The following UNC13A variants were observed in gnomAD, a reference collection of about 807,000 sequenced individuals.
UNC13A encodes unc-13 homolog A.
UNC13A carries 61 observed loss-of-function variants against 219.7 expected under a neutral mutation model. The ratio of observed to expected loss-of-function variants is 0.28; its 90% CI spans 0.23 to 0.34. The LOEUF is 0.34. UNC13A is among the 10% of genes least tolerant of loss of function. The pLI is 1.00. For synonymous variants in UNC13A, 920 were observed against 884.6 expected (o/e 1.04, Z -0.71); for missense variants, 1,476 against 2,270.3 (o/e 0.65, Z 7.11).
At chr19:17,612,049 C>CT (rs1235885938) in intron 41 of UNC13A, 194 bp from the exon 42 acceptor site, 6 of 526,996 alleles carry the variant, frequency 1.1e-5, no homozygotes, top group African/African-American at 5.7e-5. Flanking sequence ...CTTTTACTGC[C>CT]TTGCTGTGTG....
chr19:17,639,602 C>A, intron 23 of UNC13A, 77 bp from the exon 24 acceptor site: 2 of 1,480,340 alleles, frequency 1.4e-6, no homozygotes, highest in Non-Finnish European at 1.8e-6. Flanking sequence ...CAGGGGGATA[C>A]AAAGGCTCCC....
intron 26 of UNC13A, among the ~76,000 whole-genome samples, chr19:17,634,277 T>G (rs1330503194): frequency 6.6e-6 from 1 of 151,588 alleles, no homozygotes; most frequent in East Asian, 2.0e-4. Context: ...TCCATTTATT[T>G]ACTCACTTAT....
At chr19:17,606,914 C>T (rs1210055977) in intron 43 of UNC13A, among the ~76,000 whole-genome samples, 1 of 152,052 alleles carries the variant, frequency 6.6e-6, no homozygotes, top group Non-Finnish European at 1.5e-5. Flanking sequence ...ACCTGTGCTC[C>T]TGCCCCTAAG....
intron 43 of UNC13A, among the ~76,000 whole-genome samples, chr19:17,609,083 G>A (rs549140846): frequency 1.4e-5 from 2 of 146,766 alleles, no homozygotes; most frequent in Admixed American, 6.8e-5. Context: ...TCAGCATCCC[G>A]AGTAGCTGGG....
intron 15 of UNC13A, 106 bp from the exon 16 acceptor site, chr19:17,648,756 C>T (rs955504305): frequency 1.3e-6 from 2 of 1,511,698 alleles, no homozygotes; most frequent in Non-Finnish European, 1.8e-6. Flanking sequence ...CAGGCCCTCC[C>T]CTGCCTCCAC....
chr19:17,657,947 G>GGT lies in UNC13A; in HGVS notation c.767+113_767+114dup. ...AATGTGAATTCTGCCCTCCTGGATG[G>GGT]GTGAATTCTGCCCTTCTGGAACTCC... On this transcript the variant is annotated intron_variant, in intron 9 of 43. Transcript: ENST00000519716. 4.7e-6 allele frequency: 5 copies of GGT among 1,061,618 alleles called. No homozygotes were observed. The South Asian group carries it at 7.3e-5, about 16-fold the overall frequency. The allele number at this position is 1,061,618 out of a possible 1,614,324, so 65.8% of individuals were successfully genotyped here.
intron 8 of UNC13A, among the ~76,000 whole-genome samples, chr19:17,659,345 A>G (rs923584967): frequency 7.2e-5 from 11 of 152,194 alleles, no homozygotes; most frequent in Non-Finnish European, 1.5e-4. Context: ...TGGGAGGCTG[A>G]GGCAGGAGAA....
intron 12 of UNC13A, among the ~76,000 whole-genome samples, chr19:17,651,828 G>A (rs1203206189): frequency 6.6e-6 from 1 of 152,124 alleles, no homozygotes; most frequent in South Asian, 2.1e-4. Flanking sequence ...GTTTGCCAAG[G>A]ACGTACAAGG....
chr19:17,669,758 C>T, intron 4 of UNC13A, 82 bp from the exon 5 acceptor site: 4 of 1,465,346 alleles, frequency 2.7e-6, no homozygotes, highest in Non-Finnish European at 3.6e-6. Flanking sequence ...CATGAGACAT[C>T]CCCCTCACCC....
At chr19:17,646,310 G>C (rs1474349895) in intron 17 of UNC13A, among the ~76,000 whole-genome samples, 199 bp from the exon 18 acceptor site, 4 of 145,958 alleles carry the variant, frequency 2.7e-5, no homozygotes, top group Admixed American at 2.7e-4. Context: ...ACAGAGTTTT[G>C]CTCGTCACCC....
chr19:17,667,874 G>T (rs559910389), intron 6 of UNC13A, among the ~76,000 whole-genome samples: 1 of 147,080 alleles, frequency 6.8e-6, no homozygotes, highest in Non-Finnish European at 1.5e-5. Context: ...GCCCACCTTC[G>T]CCTCTCAAAG....
chr19:17,616,903 G>T (rs1174830128), intron 41 of UNC13A, among the ~76,000 whole-genome samples: 1 of 152,162 alleles, frequency 6.6e-6, no homozygotes, highest in Non-Finnish European at 1.5e-5. Flanking sequence ...TTTTGAAAAG[G>T]GGGGGTCCCC....
chr19:17,652,075 C>T (rs1044088557), intron 12 of UNC13A, among the ~76,000 whole-genome samples: 1 of 151,998 alleles, frequency 6.6e-6, no homozygotes, highest in African/African-American at 2.4e-5. Context: ...TGTACATTTC[C>T]CAATAGTGTC....
chr19:17,648,006 C>T (rs1423054143), intron 16 of UNC13A, among the ~76,000 whole-genome samples: 2 of 139,796 alleles, frequency 1.4e-5, no homozygotes, highest in South Asian at 5.1e-4. Context: ...TCCTCTGAGT[C>T]CCCTCCCCCT....
chr19:17,608,352 A>G (rs907439952), intron 43 of UNC13A, among the ~76,000 whole-genome samples: 1 of 117,008 alleles, frequency 8.5e-6, no homozygotes, highest in African/African-American at 3.5e-5. Flanking sequence ...AATTTTATAT[A>G]TAATATAAAT....
Position 17,688,210 on chromosome 19 carries a change from TC to T in UNC13A, c.-12del. 4 of 1,502,924 alleles carry T rather than the reference TC, an allele frequency of 2.7e-6. No homozygotes were observed. The South Asian group carries it at 3.8e-5, about 14-fold the overall frequency. 93.1% of individuals were successfully genotyped at this position (1,502,924 alleles called of 1,614,324 possible). A position where few individuals can be genotyped will look rare whatever the true frequency, so the allele number is the denominator to read the frequency against. ...GCAAAGCAGAGACATGTCTCCGAGC[TC>T]GCAGGTGGGCCGGAGGCGGCCGGGC... On this transcript the variant is annotated 5_prime_UTR_variant, in exon 1 of 44. Transcript: ENST00000519716.
chr19:17,670,527 A>G (rs991757275), intron 4 of UNC13A, among the ~76,000 whole-genome samples: 1 of 150,058 alleles, frequency 6.7e-6, no homozygotes, highest in African/African-American at 2.4e-5. Context: ...GTGAGCCACC[A>G]TGCCCAGCCA....
At chr19:17,664,512 C>T (rs970432721) in intron 7 of UNC13A, among the ~76,000 whole-genome samples, 7 of 152,188 alleles carry the variant, frequency 4.6e-5, no homozygotes, top group African/African-American at 1.7e-4. Context: ...CAAAATACTC[C>T]AAGGGAGGAC....
rs369226370 is a variant in UNC13A, at chr19:17,632,814, G to A, written c.3396C>T (p.Pro1132=). The A allele has an allele frequency of 3.7e-4, 599 of 1,613,938 alleles. No homozygotes were observed. The highest frequency in any genetic ancestry group is 4.5e-4 in the Non-Finnish European group (536 of 1,179,892). Residue 1132 remains proline, a synonymous_variant, in exon 28 of 44, where the codon CCC becomes CCT. Transcript: ENST00000519716. The part of the protein sequence containing the change: ...WLYNEYVTEL[P]AFKDRVPEYP... ...ACTCAGGCACGCGGTCCTTGAAGGC[G>A]GGAAGTTCCGTCACATACTCATTGT...
Sources: gnomAD v4.1 joint callset for allele counts (sites outside exome capture counted in the v4.1 genomes callset) on GRCh38, gnomAD v4.1.1 for gene constraint, MANE v1.5 for transcripts, NCBI Gene and HGNC (gene_info 2026-07-23, HGNC 2026-07-21) for gene names.